The following GTPBP10 variants were observed in gnomAD, a reference collection of about 807,000 sequenced individuals.
The protein encoded by GTPBP10 is GTP-binding protein 10.
Under a neutral mutation model 44.8 loss-of-function variants are expected in GTPBP10, and 38 were observed. The observed-to-expected ratio is 0.85, with a 90% CI of 0.65 to 1.11. The LOEUF (loss-of-function observed/expected upper bound fraction) is 1.11, where lower values mean the gene tolerates loss of function less well. GTPBP10 is among the 50% of genes most tolerant of loss of function. The probability of loss-of-function intolerance (pLI) is 0.00; values close to 1 mark genes in which losing one functional copy is unlikely to be tolerated. For missense variants in GTPBP10, 462 were observed against 453.7 expected (o/e 1.02, Z -0.17); for synonymous variants, 152 against 150.6 (o/e 1.01, Z -0.07).
chr7:90,346,869 CT>C, intron 1 of GTPBP10, 95 bp downstream of exon 1: 8 of 1,373,590 alleles, frequency 5.8e-6, no homozygotes, highest in Non-Finnish European at 8.3e-6. Context: ...TCGTGGCGGC[CT>C]TTTCCTTGCT....
chr7:90,360,813 G>C (rs775666065), intron 4 of GTPBP10, among the ~76,000 whole-genome samples: 1 of 152,018 alleles, frequency 6.6e-6, no homozygotes, highest in African/African-American at 2.4e-5. Flanking sequence ...CTTTTATTTC[G>C]TTGAGCAGTG....
In GTPBP10 at chr7:90,367,968, C is replaced by T. The variant is rs566548204; in HGVS notation, c.465-4187C>T. The stretch of plus-strand genomic sequence containing the variant: ...GCTTCCTTTAGAAGCTCTTGTAAGG[C>T]AGGCCTGGTGTTGACAAAATCTCTC... On this transcript the variant is annotated intron_variant, in intron 4 of 9. Transcript: ENST00000222511. Among the ~76,000 whole-genome samples the T allele has an allele frequency of 3.3e-5, 5 of 152,274 alleles. No individual in the cohort carries two copies. The South Asian group carries it at 1.0e-3, about 32-fold the overall frequency.
chr7:90,354,514 G>A lies in GTPBP10; in HGVS notation c.284G>A (p.Gly95Asp), dbSNP rs2115621043. Reference sequence around the variant, plus strand: ...GACTGTGAAATCCCTGTGCCTGTGGGTATTTCAGTAACTGATGAAAATGGT... The same window carrying A: ...GACTGTGAAATCCCTGTGCCTGTGGATATTTCAGTAACTGATGAAAATGGT... ...GKDCEIPVPV[G>D]ISVTDENGKI... Residue 95 changes from glycine (G) to aspartate (D), a missense_variant, in exon 3 of 10, where the codon GGT becomes GAT. By Grantham distance (94) the Gly-to-Asp change is moderately conservative. Transcript: ENST00000222511. 1 of 1,587,918 alleles carries A rather than the reference G, an allele frequency of 6.3e-7. No homozygotes were observed.
intron 2 of GTPBP10, among the ~76,000 whole-genome samples, chr7:90,354,122 C>A (rs1480957688): frequency 6.6e-6 from 1 of 152,098 alleles, no homozygotes; most frequent in African/African-American, 2.4e-5. Context: ...GCGTGAGCCA[C>A]CACGCCTGGC....
At chr7:90,359,263 T>A (rs1459188756) in intron 4 of GTPBP10, among the ~76,000 whole-genome samples, 1 of 152,146 alleles carries the variant, frequency 6.6e-6, no homozygotes, top group Non-Finnish European at 1.5e-5. Context: ...GTCATTTACA[T>A]TAGGCATATC....
At position 90,378,123 on chromosome 7, in the gene GTPBP10, C is replaced by CT. The variant is rs760150131; in HGVS notation, c.700-3dup. ...TGTTAAAGGCTGTCTCTTTCCTTCT[C>CT]TTTTTTTTAGGTTGATATTTCTGGA... is the stretch of plus-strand genomic sequence containing the variant. On this transcript the variant is annotated splice_polypyrimidine_tract_variant and intron_variant, in intron 7 of 9. Coordinates refer to ENST00000222511, the MANE Select transcript of GTPBP10 (RefSeq NM_033107.4). 4.6e-5 allele frequency: 74 copies of CT among 1,604,542 alleles called. No individual in the cohort carries two copies. Among genetic ancestry groups the CT allele is most frequent in the Middle Eastern group, 1.7e-4 (1 of 5,828 alleles).
chr7:90,378,282 A>G, intron 8 of GTPBP10, 71 bp downstream of exon 8: 2 of 1,500,666 alleles, frequency 1.3e-6, no homozygotes, highest in African/African-American at 1.4e-5. Context: ...ATGAAATAAC[A>G]TAATTACAGT....
intron 4 of GTPBP10, among the ~76,000 whole-genome samples, chr7:90,355,973 A>G (rs529269165): frequency 6.6e-4 from 85 of 127,880 alleles, no homozygotes; most frequent in African/African-American, 2.5e-3. Flanking sequence ...CCTCCCTCCT[A>G]TCCTCTCCCT....
At chr7:90,379,123 A>G (rs1796393496) in intron 8 of GTPBP10, among the ~76,000 whole-genome samples, 1 of 152,118 alleles carries the variant, frequency 6.6e-6, no homozygotes, top group South Asian at 2.1e-4. Flanking sequence ...CATCCCCATA[A>G]CTTAGTGAAT....
At chr7:90,369,404 G>T (rs1393202135) in intron 4 of GTPBP10, among the ~76,000 whole-genome samples, 1 of 152,228 alleles carries the variant, frequency 6.6e-6, no homozygotes, top group African/African-American at 2.4e-5. Context: ...GCCCAGAGAG[G>T]TTGGATCTAG....
chr7:90,381,231 C>G (rs1796430694), intron 8 of GTPBP10, among the ~76,000 whole-genome samples: 1 of 152,138 alleles, frequency 6.6e-6, no homozygotes, highest in Admixed American at 6.6e-5. Context: ...AATGGCTGTA[C>G]TAATTTACAT....
At chr7:90,377,682 A>AT (rs1248124477) in intron 7 of GTPBP10, 68 bp downstream of exon 7, 8 of 1,062,968 alleles carry the variant, frequency 7.5e-6, no homozygotes, top group South Asian at 6.9e-5. Flanking sequence ...TTTTTCTAGA[A>AT]TTTTTTTATA....
At chr7:90,348,965 T>C (rs1408176997) in intron 1 of GTPBP10, among the ~76,000 whole-genome samples, 2 of 152,224 alleles carry the variant, frequency 1.3e-5, no homozygotes, top group Non-Finnish European at 2.9e-5. Context: ...CTGTCTTCTG[T>C]TAATTCCTCT....
At chr7:90,352,446 A>T (rs1328816068) in intron 1 of GTPBP10, among the ~76,000 whole-genome samples, 3 of 152,252 alleles carry the variant, frequency 2.0e-5, no homozygotes, top group African/African-American at 4.8e-5. Flanking sequence ...AAAAGCTTTC[A>T]TCCTGGTGGA....
chr7:90,347,952 G>T (rs1170441503), intron 1 of GTPBP10, among the ~76,000 whole-genome samples: 2 of 152,176 alleles, frequency 1.3e-5, no homozygotes, highest in African/African-American at 4.8e-5. Flanking sequence ...AAGGAACTAG[G>T]CATGGTAGGT....
chr7:90,367,168 C>A (rs1272632283), intron 4 of GTPBP10, among the ~76,000 whole-genome samples: 1 of 152,122 alleles, frequency 6.6e-6, no homozygotes, highest in African/African-American at 2.4e-5. Flanking sequence ...CTTGTGTTTT[C>A]TGTTCTTTTG....
rs1250930729 is a variant in GTPBP10, at chr7:90,388,971, T to C, written c.*3817T>C. On this transcript the variant is annotated 3_prime_UTR_variant, in exon 10 of 10. Coordinates refer to ENST00000222511, the MANE Select transcript of GTPBP10 (RefSeq NM_033107.4). ...CAACAGCACAGATGCACTTTAAAAC[T>C]GTAGCTTAAAAATAAAAATTAGTAA... is the stretch of plus-strand genomic sequence containing the variant. The C allele has an allele frequency of 1.3e-5, 2 of 152,224 alleles. No individual in the cohort carries two copies. The highest frequency in any genetic ancestry group is 2.9e-5 in the Non-Finnish European group (2 of 68,024). The allele number at this position is 152,224 out of a possible 1,614,324, so 9.4% of individuals were successfully genotyped here. A position where few individuals can be genotyped will look rare whatever the true frequency, so the allele number is the denominator to read the frequency against.
In GTPBP10 at chr7:90,346,750, T is replaced by G; in HGVS notation, c.9T>G (p.His3Gln). MV[H>Q]CSCVLFRKYG... is the part of the protein sequence containing the mutation. ...CCTGGCCTGTTGCAGCCATGGTGCATTGCAGTTGCGTGTTGTTCAGAAAGG... is the reference window on the plus strand; with the variant it reads ...CCTGGCCTGTTGCAGCCATGGTGCAGTGCAGTTGCGTGTTGTTCAGAAAGG... The change falls in exon 1 of 10, where the codon CAT becomes CAG. Residue 3 changes from histidine to glutamine, a missense_variant. By Grantham distance (24) the His-to-Gln change is conservative. Transcript: ENST00000222511. The G allele has an allele frequency of 6.2e-7, 1 of 1,614,244 alleles. No homozygotes were observed. The highest frequency in any genetic ancestry group is 2.2e-5 in the East Asian group (1 of 44,882).
At chr7:90,351,235 A>G (rs1562952751) in intron 1 of GTPBP10, among the ~76,000 whole-genome samples, 2 of 152,172 alleles carry the variant, frequency 1.3e-5, no homozygotes, top group Admixed American at 6.5e-5. Context: ...AAATGCTGCC[A>G]TGTAAGATCT....
Sources: gnomAD v4.1 joint callset for allele counts (sites outside exome capture counted in the v4.1 genomes callset) on GRCh38, gnomAD v4.1.1 for gene constraint, MANE v1.5 for transcripts, NCBI Gene and HGNC (gene_info 2026-07-23, HGNC 2026-07-21) for gene names.